The following CAMTA1 variants were observed in gnomAD, a reference collection of about 807,000 sequenced individuals.
The protein encoded by CAMTA1 is calmodulin-binding transcription activator 1.
In CAMTA1, 27 loss-of-function variants were observed where a neutral mutation model predicts 170.9. The observed-to-expected ratio is 0.16, with a 90% CI of 0.12 to 0.22. CAMTA1 has a LOEUF of 0.22. Ranked by LOEUF, CAMTA1 falls within the 10% of genes least tolerant of loss-of-function variation. CAMTA1 has a pLI of 1.00. For missense variants in CAMTA1, 1,619 were observed against 2,217.2 expected, an observed-to-expected ratio of 0.73 and a Z score of 5.42; for synonymous variants, 833 against 891.5, an observed-to-expected ratio of 0.93 and a Z score of 1.17.
chr1:7,310,600 T>TTTC (rs1553129303), intron 5 of CAMTA1, among the ~76,000 whole-genome samples: 3,393 of 52,988 alleles, frequency 0.064, 386 homozygotes, highest in African/African-American at 0.17. Context: ...TTTTCTTTTC[T>TTTC]TTTCTTTCTT....
At chr1:7,351,880 C>T (rs2084701709) in intron 5 of CAMTA1, among the ~76,000 whole-genome samples, 3 of 152,150 alleles carry the variant, frequency 2.0e-5, no homozygotes. Flanking sequence ...AAATCATGAG[C>T]CTCCGACCAA....
intron 5 of CAMTA1, among the ~76,000 whole-genome samples, chr1:7,352,752 T>G (rs1574868620): frequency 6.6e-6 from 1 of 152,140 alleles, no homozygotes; most frequent in East Asian, 1.9e-4. Context: ...GGGTTTAATT[T>G]GGGGGTGGAG....
At chr1:7,717,736 TA>T (rs1006565674) in intron 11 of CAMTA1, among the ~76,000 whole-genome samples, 2 of 151,580 alleles carry the variant, frequency 1.3e-5, no homozygotes, top group South Asian at 4.2e-4. Context: ...TAAAAAAAAA[TA>T]AAAAAATAAA....
chr1:7,655,448 CAT>C (rs2095889876), intron 7 of CAMTA1, among the ~76,000 whole-genome samples: 1 of 149,638 alleles, frequency 6.7e-6, no homozygotes, highest in African/African-American at 2.5e-5. Flanking sequence ...CCTATACACA[CAT>C]ACCTATACAC....
chr1:6,981,805 C>A (rs1694481296), intron 3 of CAMTA1, among the ~76,000 whole-genome samples: 1 of 152,100 alleles, frequency 6.6e-6, no homozygotes, highest in Non-Finnish European at 1.5e-5. Context: ...TCACAGCTTG[C>A]TGCAGTGCTG....
chr1:6,822,493 G>A (rs1437207533), intron 2 of CAMTA1, among the ~76,000 whole-genome samples: 1 of 152,076 alleles, frequency 6.6e-6, no homozygotes, highest in African/African-American at 2.4e-5. Context: ...TTTACCCATT[G>A]TTATGTTTCT....
chr1:7,297,759 G>C (rs953765843), intron 5 of CAMTA1, among the ~76,000 whole-genome samples: 2 of 152,306 alleles, frequency 1.3e-5, no homozygotes, highest in African/African-American at 2.4e-5. Context: ...GGGCCAAAAG[G>C]CTGGGCAAAC....
At chr1:7,004,570 A>G (rs1698705598) in intron 3 of CAMTA1, among the ~76,000 whole-genome samples, 1 of 152,170 alleles carries the variant, frequency 6.6e-6, no homozygotes, top group African/African-American at 2.4e-5. Flanking sequence ...CATATATACA[A>G]AAAAGTCTAC....
chr1:7,283,950 A>T (rs2149468310), intron 5 of CAMTA1, among the ~76,000 whole-genome samples: 2 of 152,182 alleles, frequency 1.3e-5, no homozygotes, highest in South Asian at 4.2e-4. Context: ...CTGGTTAGGA[A>T]CTAGGCATCT....
At chr1:7,261,081 T>G (rs573764478) in intron 5 of CAMTA1, among the ~76,000 whole-genome samples, 6 of 152,218 alleles carry the variant, frequency 3.9e-5, no homozygotes, top group Non-Finnish European at 8.8e-5. Flanking sequence ...AAATCTGGAA[T>G]GGGCCTCTTG....
intron 5 of CAMTA1, chr1:7,382,670 C>T (rs1181980154): frequency 6.6e-6 from 1 of 152,214 alleles, no homozygotes; most frequent in East Asian, 1.9e-4. Flanking sequence ...AACCCAGATC[C>T]CTCCAATGTG....
At position 7,361,658 on chromosome 1, in the gene CAMTA1, A is replaced by C. The variant is rs77852751; in HGVS notation, c.439-106172A>C. Among the ~76,000 whole-genome samples the C allele has an allele frequency of 9.5e-3, 1,441 of 152,328 alleles. 22 individuals are homozygous for C. Among genetic ancestry groups the C allele is most frequent in the African/African-American group, 0.032 (1,311 of 41,566 alleles). On this transcript the variant is annotated intron_variant, in intron 5 of 22. Coordinates refer to ENST00000303635, the MANE Select transcript of CAMTA1 (RefSeq NM_015215.4). ...AATCTCATTTCATGCAATAAATATT[A>C]ACCTGGAAGGTTGGGGGTACATTAA...
In CAMTA1 at chr1:7,138,619, A is replaced by T. The variant is rs114722107; in HGVS notation, c.302+47248A>T. 2.0e-3 allele frequency among the ~76,000 whole-genome samples: 302 copies of T among 152,334 alleles called. 2 individuals carry two copies. The highest frequency in any genetic ancestry group is 7.1e-3 in the African/African-American group (296 of 41,574). On this transcript the variant is annotated intron_variant, in intron 4 of 22. Coordinates refer to ENST00000303635, the MANE Select transcript of CAMTA1 (RefSeq NM_015215.4). ...TTGTGGGCATCATTTCTCTGTAGAG[A>T]TAAAACACATACATGCCAACATTTT... is the stretch of plus-strand genomic sequence containing the variant.
intron 5 of CAMTA1, among the ~76,000 whole-genome samples, chr1:7,400,600 G>A (rs1478468011): frequency 6.6e-6 from 1 of 151,974 alleles, no homozygotes; most frequent in African/African-American, 2.4e-5. Flanking sequence ...CTGGTGGAAT[G>A]GTCACCTCTC....
At chr1:6,886,500 C>CTGAA (rs1673268132) in intron 3 of CAMTA1, among the ~76,000 whole-genome samples, 1 of 152,240 alleles carries the variant, frequency 6.6e-6, no homozygotes, top group African/African-American at 2.4e-5. Flanking sequence ...GCAGCATGCT[C>CTGAA]TTTTCAGTAC....
chr1:7,305,241 ACT>A (rs1557479727), intron 5 of CAMTA1, among the ~76,000 whole-genome samples: 2 of 152,100 alleles, frequency 1.3e-5, no homozygotes, highest in African/African-American at 4.8e-5. Context: ...TGATTGCCAC[ACT>A]CTTAATTATT....
chr1:7,043,639 T>C (rs1312731904), intron 3 of CAMTA1, among the ~76,000 whole-genome samples: 2 of 152,180 alleles, frequency 1.3e-5, no homozygotes, highest in Non-Finnish European at 2.9e-5. Context: ...ATCTTCCTTA[T>C]ATGGTGACGT....
chr1:6,859,466 GA>G (rs1663814920), intron 3 of CAMTA1, among the ~76,000 whole-genome samples: 1 of 152,210 alleles, frequency 6.6e-6, no homozygotes, highest in Admixed American at 6.5e-5. Context: ...GTGCTTGTCA[GA>G]GTGTAAATAT....
At chr1:7,619,346 G>A (rs1214368381) in intron 6 of CAMTA1, among the ~76,000 whole-genome samples, 2 of 152,232 alleles carry the variant, frequency 1.3e-5, no homozygotes, top group African/African-American at 2.4e-5. Context: ...CATGTCACCA[G>A]CCAACTCTGC....
Sources: allele counts gnomAD v4.1 joint callset (sites outside exome capture counted in the v4.1 genomes callset), GRCh38; gene constraint gnomAD v4.1.1; transcripts MANE v1.5; gene names NCBI Gene and HGNC (gene_info 2026-07-23, HGNC 2026-07-21).